The following FAM181B variants were observed in gnomAD, a reference collection of about 807,000 sequenced individuals.
FAM181B encodes family with sequence similarity 181 member B.
In FAM181B, 13 loss-of-function variants were observed where a neutral mutation model predicts 17.8. The ratio of observed to expected loss-of-function variants is 0.73; its 90% CI spans 0.48 to 1.16. The LOEUF (loss-of-function observed/expected upper bound fraction) is 1.16, where lower values mean the gene tolerates loss of function less well. Ranked by LOEUF, FAM181B falls within the 50% of genes most tolerant of loss-of-function variation. The pLI, the probability that FAM181B is intolerant of heterozygous loss-of-function variation, is 0.00. For missense variants in FAM181B, 725 were observed against 634.1 expected (o/e 1.14, Z -1.54); for synonymous variants, 338 against 316.5 (o/e 1.07, Z -0.72).
chr11:82,732,744 C>T lies in FAM181B; in HGVS notation c.986G>A (p.Cys329Tyr). ...CAGGGGGCTCTTTTTGGTCGGGGAG[C>T]AGCCCGGGACGCTCCAGGGCTCGGG... ...LYPEPWSVPG[C>Y]SPTKKSPLTA... The change falls in exon 1 of 1, where the codon TGC becomes TAC. Residue 329 changes from cysteine (C) to tyrosine (Y), a missense_variant. Cys to Tyr is a radical substitution (Grantham distance 194). Coordinates refer to ENST00000329203, the MANE Select transcript of FAM181B (RefSeq NM_175885.4). The T allele has an allele frequency of 6.9e-7, 1 of 1,457,026 alleles. No homozygotes were observed. The allele number at this position is 1,457,026 out of a possible 1,614,324, so 90.3% of individuals were successfully genotyped here.
chr11:82,733,201 CG>C lies in FAM181B; in HGVS notation c.528del (p.Gly178ValfsTer16), dbSNP rs1167415641. On this transcript the variant is annotated frameshift_variant, in exon 1 of 1. Coordinates refer to ENST00000329203, the MANE Select transcript of FAM181B (RefSeq NM_175885.4). LOFTEE classifies it high-confidence loss of function. ...AALFDSLRHV[P>X]GGAEPAGGEV... The stretch of plus-strand genomic sequence containing the variant: ...TCACCCCCCGCCGGCTCGGCACCCC[CG>C]GGGACGTGGCGCAGCGAGTCGAAGA... The C allele has an allele frequency of 7.5e-7, 1 of 1,325,032 alleles. No individual in the cohort carries two copies. The highest frequency in any genetic ancestry group is 9.6e-7 in the Non-Finnish European group (1 of 1,045,672). The allele number at this position is 1,325,032 out of a possible 1,614,324, so 82.1% of individuals were successfully genotyped here.
At position 82,733,106 on chromosome 11, in the gene FAM181B, G is replaced by A. The variant is rs747776109; in HGVS notation, c.624C>T (p.Pro208=). The change falls in exon 1 of 1, where the codon CCC becomes CCT. Residue 208 remains proline (P), a synonymous_variant. Coordinates refer to ENST00000329203, the MANE Select transcript of FAM181B (RefSeq NM_175885.4). Reference sequence around the variant, plus strand: ...CCCCTGGGATCGCCGTGGCCCCCGCGGGGCCTGCCACGTCCCCTCCCGCGC... The same window carrying A: ...CCCCTGGGATCGCCGTGGCCCCCGCAGGGCCTGCCACGTCCCCTCCCGCGC... ...TGGAGGDVAG[P]AGATAIPGAR... The A allele has an allele frequency of 1.8e-5, 26 of 1,485,354 alleles. No individual in the cohort carries two copies. The South Asian group carries it at 3.0e-4, about 17-fold the overall frequency. 92.0% of individuals were successfully genotyped at this position (1,485,354 alleles called of 1,614,324 possible).
Position 82,733,185 on chromosome 11 carries a change from G to C in FAM181B, c.545C>G (p.Ala182Gly). The change falls in exon 1 of 1, where the codon GCG (alanine) becomes GGG (glycine). Residue 182 changes from alanine to glycine, a missense_variant. Ala to Gly is a moderately conservative substitution (Grantham distance 60). Transcript: ENST00000329203. ...LRHVPGGAEP[A>G]GGEVAAPAAG... Reference sequence around the variant, plus strand: ...CGCCGGCGCAGCCACCTCACCCCCCGCCGGCTCGGCACCCCCGGGGACGTG... The same window carrying C: ...CGCCGGCGCAGCCACCTCACCCCCCCCCGGCTCGGCACCCCCGGGGACGTG... 7.4e-7 allele frequency: 1 copy of C among 1,358,140 alleles called. No homozygotes were observed. The highest frequency in any genetic ancestry group is 3.1e-5 in the East Asian group (1 of 32,410). 84.1% of individuals were successfully genotyped at this position (1,358,140 alleles called of 1,614,324 possible).
Position 82,732,578 on chromosome 11 carries a change from C to T in FAM181B, c.1152G>A (p.Pro384=). 1 of 1,602,904 alleles carries T rather than the reference C, an allele frequency of 6.2e-7. No individual in the cohort carries two copies. ...AGGACACCTGATGGGGCGGCGGCGG[C>T]GGGGGCAGGGCGCAGTCTGGAAAGA... The part of the protein sequence containing the change: ...APFFPDCALP[P]PPPPHQVSYD... The change falls in exon 1 of 1, where the codon CCG becomes CCA. Residue 384 remains proline (P), a synonymous_variant. Coordinates refer to ENST00000329203, the MANE Select transcript of FAM181B (RefSeq NM_175885.4).
At position 82,730,570 on chromosome 11, in the gene FAM181B, C is replaced by T. The variant is rs1018738584; in HGVS notation, c.*1879G>A. On this transcript the variant is annotated 3_prime_UTR_variant, in exon 1 of 1. Transcript: ENST00000329203. The stretch of plus-strand genomic sequence containing the variant: ...CTGTTAGCACAATGGAATTAATCAC[C>T]TTTAACCACTTTGGAAGAAATCCAA... The T allele has an allele frequency of 2.0e-5, 3 of 152,184 alleles. No individual in the cohort carries two copies. Among genetic ancestry groups the T allele is most frequent in the African/African-American group, 7.2e-5 (3 of 41,456 alleles). 9.4% of individuals were successfully genotyped at this position (152,184 alleles called of 1,614,324 possible). A position where few individuals can be genotyped will look rare whatever the true frequency, so the allele number is the denominator to read the frequency against.
chr11:82,733,110 C>T lies in FAM181B; in HGVS notation c.620G>A (p.Gly207Asp). The T allele has an allele frequency of 6.8e-7, 1 of 1,473,726 alleles. No homozygotes were observed. The highest frequency in any genetic ancestry group is 8.9e-7 in the Non-Finnish European group (1 of 1,122,216). 91.3% of individuals were successfully genotyped at this position (1,473,726 alleles called of 1,614,324 possible). A position where few individuals can be genotyped will look rare whatever the true frequency, so the allele number is the denominator to read the frequency against. ...TGGGATCGCCGTGGCCCCCGCGGGG[C>T]CTGCCACGTCCCCTCCCGCGCCCCC... ...GTGGAGGDVA[G>D]PAGATAIPGA... The change falls in exon 1 of 1, where the codon GGC (glycine) becomes GAC (aspartate). Residue 207 changes from glycine to aspartate, a missense_variant. Transcript: ENST00000329203.
chr11:82,732,907 C>T lies in FAM181B; in HGVS notation c.823G>A (p.Gly275Ser), dbSNP rs745754199. The change falls in exon 1 of 1, where the codon GGC becomes AGC. Residue 275 changes from glycine to serine, a missense_variant. Physicochemically the swap from Gly to Ser is moderately conservative, Grantham distance 56 (BLOSUM62 0). Transcript: ENST00000329203. The stretch of plus-strand genomic sequence containing the variant: ...GCAAGCAAGACTGCCGCCTCCGTGC[C>T]GGCGCCGTAGTCGGGCCCCAGCAGC... ...FELLGPDYGA[G>S]TEAAVLLAAE... 9 of 1,552,410 alleles carry T rather than the reference C, an allele frequency of 5.8e-6. No individual in the cohort carries two copies. In the South Asian group the frequency reaches 8.3e-5, roughly 14 times the overall value.
chr11:82,732,887 C>A lies in FAM181B; in HGVS notation c.843G>T (p.Leu281Phe). 2 of 1,541,752 alleles carry A rather than the reference C, an allele frequency of 1.3e-6. No homozygotes were observed. The change falls in exon 1 of 1, where the codon TTG becomes TTT. Residue 281 changes from leucine to phenylalanine, a missense_variant. By Grantham distance (22) the Leu-to-Phe change is conservative (BLOSUM62 0). Coordinates refer to ENST00000329203, the MANE Select transcript of FAM181B (RefSeq NM_175885.4). ...ACACGTCGAGAGGCTCGGCGGCAAG[C>A]AAGACTGCCGCCTCCGTGCCGGCGC... ...DYGAGTEAAVLLAAEPLDVFP... is the reference protein window; with the variant it reads ...DYGAGTEAAVFLAAEPLDVFP...
rs1291892105 is a variant in FAM181B, at chr11:82,730,334, T to A, written c.*2115A>T. 3.9e-5 allele frequency: 6 copies of A among 152,200 alleles called. No homozygotes were observed. The highest frequency in any genetic ancestry group is 7.2e-5 in the African/African-American group (3 of 41,434). 9.4% of individuals were successfully genotyped at this position (152,200 alleles called of 1,614,324 possible). ...TGCGGAAACAATGTTGATATTATTA[T>A]TAATTAAACGTATAGCAAGCAAAAC... On this transcript the variant is annotated 3_prime_UTR_variant, in exon 1 of 1. Coordinates refer to ENST00000329203, the MANE Select transcript of FAM181B (RefSeq NM_175885.4).
In FAM181B at chr11:82,731,670, A is replaced by C. The variant is rs1019919486; in HGVS notation, c.*779T>G. ...GGAAAATGGGGAAAAGACAGGAGAG[A>C]AATGGAACCCAGGTTTGCCAAATTT... On this transcript the variant is annotated 3_prime_UTR_variant, in exon 1 of 1. Transcript: ENST00000329203. 1 of 152,152 alleles carries C rather than the reference A, an allele frequency of 6.6e-6. No homozygotes were observed. The highest frequency in any genetic ancestry group is 6.5e-5 in the Admixed American group (1 of 15,278). 9.4% of individuals were successfully genotyped at this position (152,152 alleles called of 1,614,324 possible). A position where few individuals can be genotyped will look rare whatever the true frequency, so the allele number is the denominator to read the frequency against.
In FAM181B at chr11:82,733,816, G is replaced by C. The variant is rs902619281; in HGVS notation, c.-87C>G. On this transcript the variant is annotated 5_prime_UTR_variant, in exon 1 of 1. Coordinates refer to ENST00000329203, the MANE Select transcript of FAM181B (RefSeq NM_175885.4). ...GCCCAGACCCAGCTCCCGCCCCGGC[G>C]CGGCGCGCGCGGCGCAGCCTACTAG... 313 of 1,063,580 alleles carry C rather than the reference G, an allele frequency of 2.9e-4. 1 individual carries two copies. Among genetic ancestry groups the C allele is most frequent in the Admixed American group, 4.2e-4 (9 of 21,464 alleles). 65.9% of individuals were successfully genotyped at this position (1,063,580 alleles called of 1,614,324 possible).
rs1857176343 is a variant in FAM181B, at chr11:82,733,812, C to G, written c.-83G>C. On this transcript the variant is annotated 5_prime_UTR_variant, in exon 1 of 1. Coordinates refer to ENST00000329203, the MANE Select transcript of FAM181B (RefSeq NM_175885.4). ...CGCCGCCCAGACCCAGCTCCCGCCC[C>G]GGCGCGGCGCGCGCGGCGCAGCCTA... is the stretch of plus-strand genomic sequence containing the variant. 2 of 1,122,266 alleles carry G rather than the reference C, an allele frequency of 1.8e-6. No homozygotes were observed. The highest frequency in any genetic ancestry group is 4.6e-5 in the Admixed American group (1 of 21,812). The allele number at this position is 1,122,266 out of a possible 1,614,324, so 69.5% of individuals were successfully genotyped here. A position where few individuals can be genotyped will look rare whatever the true frequency, so the allele number is the denominator to read the frequency against.
chr11:82,733,373 G>A lies in FAM181B; in HGVS notation c.357C>T (p.Ser119=). 2 of 1,417,086 alleles carry A rather than the reference G, an allele frequency of 1.4e-6. No individual in the cohort carries two copies. The highest frequency in any genetic ancestry group is 9.2e-7 in the Non-Finnish European group (1 of 1,083,030). 87.8% of individuals were successfully genotyped at this position (1,417,086 alleles called of 1,614,324 possible). Residue 119 remains serine (S), a synonymous_variant, in exon 1 of 1, where the codon AGC becomes AGT. Coordinates refer to ENST00000329203, the MANE Select transcript of FAM181B (RefSeq NM_175885.4). ...GAAPPGPPSP[S]AADTPAKRPL... ...GCCGTTTGGCTGGCGTGTCGGCGGCGCTCGGGGAGGGCGGGCCGGGGGGCG... is the reference window on the plus strand; with the variant it reads ...GCCGTTTGGCTGGCGTGTCGGCGGCACTCGGGGAGGGCGGGCCGGGGGGCG...
chr11:82,733,020 C>G lies in FAM181B; in HGVS notation c.710G>C (p.Arg237Pro). 1 of 1,542,536 alleles carries G rather than the reference C, an allele frequency of 6.5e-7. No homozygotes were observed. Among genetic ancestry groups the G allele is most frequent in the Non-Finnish European group, 8.7e-7 (1 of 1,155,764 alleles). ...CGGGCCACACCCGCCGCCGCCTGCC[C>G]GGGACGGCTCCGTGAAGAAGGACGG... ...LPPSFFTEPSRAGGGGCGPSG... is the reference protein window; with the variant it reads ...LPPSFFTEPSPAGGGGCGPSG... The change falls in exon 1 of 1, where the codon CGG becomes CCG. Residue 237 changes from arginine (R) to proline (P), a missense_variant. By Grantham distance (103) the Arg-to-Pro change is moderately radical. Transcript: ENST00000329203.
At position 82,732,750 on chromosome 11, in the gene FAM181B, G is replaced by C. The variant is rs1204355430; in HGVS notation, c.980C>G (p.Pro327Arg). The change falls in exon 1 of 1, where the codon CCG (proline) becomes CGG (arginine). Residue 327 changes from proline to arginine, a missense_variant. Coordinates refer to ENST00000329203, the MANE Select transcript of FAM181B (RefSeq NM_175885.4). ...NLLYPEPWSV[P>R]GCSPTKKSPL... ...GCTCTTTTTGGTCGGGGAGCAGCCC[G>C]GGACGCTCCAGGGCTCGGGGTACAG... 6.8e-7 allele frequency: 1 copy of C among 1,466,072 alleles called. No homozygotes were observed. The highest frequency in any genetic ancestry group is 2.5e-5 in the East Asian group (1 of 39,792). The allele number at this position is 1,466,072 out of a possible 1,614,324, so 90.8% of individuals were successfully genotyped here.
chr11:82,731,499 C>G lies in FAM181B; in HGVS notation c.*950G>C, dbSNP rs1419126194. 6.6e-6 allele frequency: 1 copy of G among 152,272 alleles called. No homozygotes were observed. Among genetic ancestry groups the G allele is most frequent in the Admixed American group, 6.5e-5 (1 of 15,290 alleles). The allele number at this position is 152,272 out of a possible 1,614,324, so 9.4% of individuals were successfully genotyped here. On this transcript the variant is annotated 3_prime_UTR_variant, in exon 1 of 1. Coordinates refer to ENST00000329203, the MANE Select transcript of FAM181B (RefSeq NM_175885.4). ...CAGAACCAATCAAGCACTGCCACAG[C>G]CTCAAGACATTTTACTTATTTCCCT...
At position 82,733,735 on chromosome 11, in the gene FAM181B, C is replaced by T. The variant is rs962674414; in HGVS notation, c.-6G>A. 15 of 1,409,164 alleles carry T rather than the reference C, an allele frequency of 1.1e-5. No individual in the cohort carries two copies. The highest frequency in any genetic ancestry group is 6.0e-5 in the African/African-American group (4 of 66,850). 87.3% of individuals were successfully genotyped at this position (1,409,164 alleles called of 1,614,324 possible). ...AGCGCCGCCTGCACCGCCATCGCCG[C>T]GGCTCCCGGGCTGTCCGCAGCGCTG... On this transcript the variant is annotated 5_prime_UTR_variant, in exon 1 of 1. Coordinates refer to ENST00000329203, the MANE Select transcript of FAM181B (RefSeq NM_175885.4).
Position 82,733,770 on chromosome 11 carries a change from C to G in FAM181B, c.-41G>C. On this transcript the variant is annotated 5_prime_UTR_variant, in exon 1 of 1. Coordinates refer to ENST00000329203, the MANE Select transcript of FAM181B (RefSeq NM_175885.4). ...GCTGTCCGCAGCGCTGCCCGTGCGC[C>G]CCCGCCAGCTCCTGCCCGCCGCCCA... The G allele has an allele frequency of 7.8e-7, 1 of 1,288,432 alleles. No homozygotes were observed. The highest frequency in any genetic ancestry group is 3.2e-5 in the East Asian group (1 of 31,528). The allele number at this position is 1,288,432 out of a possible 1,614,324, so 79.8% of individuals were successfully genotyped here.
Sources: gnomAD v4.1 joint callset for allele counts on GRCh38, gnomAD v4.1.1 for gene constraint, MANE v1.5 for transcripts, NCBI Gene and HGNC (gene_info 2026-07-23, HGNC 2026-07-21) for gene names.